The following CRYL1 variants were observed in gnomAD, a reference collection of about 807,000 sequenced individuals.
The protein encoded by CRYL1 is crystallin lambda 1, also known as lambda-crystallin homolog.
Under a neutral mutation model 36.6 loss-of-function variants are expected in CRYL1, and 29 were observed. The observed-to-expected ratio is 0.79, with a 90% CI of 0.59 to 1.08. CRYL1 has a LOEUF of 1.08. CRYL1 is among the 50% of genes least tolerant of loss of function. The pLI is 0.00. For missense variants in CRYL1, 411 were observed against 407.9 expected, an observed-to-expected ratio of 1.01 and a Z score of -0.06; for synonymous variants, 152 against 151.5, an observed-to-expected ratio of 1.00 and a Z score of -0.02.
rs1383005221 is a variant in CRYL1 at position 20,525,804 on chromosome 13, GGGGACGCGGCGCCGCGGGCGCT to G, written c.-32_-11del. 1.6e-6 allele frequency: 2 copies of G among 1,241,430 alleles called. No homozygotes were observed. Among genetic ancestry groups the G allele is most frequent in the South Asian group, 3.3e-5 (1 of 30,608 alleles). 76.9% of individuals were successfully genotyped at this position (1,241,430 alleles called of 1,614,324 possible). A position where few individuals can be genotyped will look rare whatever the true frequency, so the allele number is the denominator to read the frequency against. On this transcript the variant is annotated 5_prime_UTR_variant, in exon 1 of 8. Coordinates refer to ENST00000298248, the MANE Select transcript of CRYL1 (RefSeq NM_015974.3). This position sits in a 1 kb window ranked among gnomAD's most constrained non-coding sequence, Gnocchi z 4.3. Reference sequence around the variant, plus strand: ...CCGCGGAGGACGCCATGGTTGGGCCGGGGACGCGGCGCCGCGGGCGCTGGGACCAGGCGCCGGCGGAGCTGCG... The same window carrying G: ...CCGCGGAGGACGCCATGGTTGGGCCGGGGACCAGGCGCCGGCGGAGCTGCG...
intron 3 of CRYL1, among the ~76,000 whole-genome samples, chr13:20,451,925 T>C (rs1156681973): frequency 2.6e-5 from 4 of 152,020 alleles, no homozygotes; most frequent in Non-Finnish European, 5.9e-5. Flanking sequence ...GTGGTACATA[T>C]AGCCCATGGA....
intron 3 of CRYL1, 186 bp from the exon 4 acceptor site, chr13:20,439,940 TTCTGCTCTCTCC>T: frequency 1.8e-6 from 1 of 570,450 alleles, no homozygotes. Flanking sequence ...CCCTCTGCCC[TTCTGCTCTCTCC>T]TCCCCTAAAG....
At chr13:20,504,374 G>T (rs2033757038) in intron 2 of CRYL1, among the ~76,000 whole-genome samples, 1 of 147,644 alleles carries the variant, frequency 6.8e-6, no homozygotes, top group Non-Finnish European at 1.5e-5. Context: ...TGCAATCTTG[G>T]CTCACTGCAA....
intron 2 of CRYL1, among the ~76,000 whole-genome samples, chr13:20,503,600 GC>G (rs1337994158): frequency 2.6e-5 from 4 of 152,192 alleles, no homozygotes; most frequent in Admixed American, 2.0e-4. Flanking sequence ...TAACCGACTG[GC>G]CGATGCAAGC....
In CRYL1 at chr13:20,470,048, G is replaced by A. The variant is rs918655101; in HGVS notation, c.276+19322C>T. On this transcript the variant is annotated intron_variant, in intron 3 of 7. Coordinates refer to ENST00000298248, the MANE Select transcript of CRYL1 (RefSeq NM_015974.3). ...TCGACAGTGCGATCACCTGGAGTTGGGGTATAAAGCTACACCCGTCCTCCC... is the reference window on the plus strand; with the variant it reads ...TCGACAGTGCGATCACCTGGAGTTGAGGTATAAAGCTACACCCGTCCTCCC... Among the ~76,000 whole-genome samples, 4 of 152,328 alleles carry A rather than the reference G, an allele frequency of 2.6e-5. No individual in the cohort carries two copies. The South Asian group carries it at 8.3e-4, about 32-fold the overall frequency.
chr13:20,430,126 A>C, intron 5 of CRYL1: 9 of 896,840 alleles, frequency 1.0e-5, no homozygotes, highest in Non-Finnish European at 1.1e-5. Context: ...CACCCCTGCC[A>C]GGAGAGGACC....
chr13:20,422,424 T>C (rs1457048269), intron 5 of CRYL1, among the ~76,000 whole-genome samples: 1 of 150,454 alleles, frequency 6.6e-6, no homozygotes, highest in African/African-American at 2.4e-5. Context: ...AGTTTGCAGA[T>C]AGAATTCCAG....
At chr13:20,471,296 G>A (rs1024410902) in intron 3 of CRYL1, among the ~76,000 whole-genome samples, 1 of 152,108 alleles carries the variant, frequency 6.6e-6, no homozygotes, top group Non-Finnish European at 1.5e-5. Flanking sequence ...AGACAGGCCA[G>A]GCGCGGTGGC....
chr13:20,512,980 G>A (rs1228486471), intron 1 of CRYL1, among the ~76,000 whole-genome samples: 1 of 152,170 alleles, frequency 6.6e-6, no homozygotes. Context: ...AAATGTTAAA[G>A]GTGATGGGTG....
chr13:20,418,112 G>A (rs73160838), intron 5 of CRYL1, among the ~76,000 whole-genome samples: 1,893 of 152,226 alleles, frequency 0.012, 103 homozygotes, highest in Admixed American at 0.092. Flanking sequence ...TGCTTGCAAG[G>A]CCTTTCAATG....
chr13:20,482,027 C>A (rs1266086589), intron 3 of CRYL1, among the ~76,000 whole-genome samples: 3 of 152,118 alleles, frequency 2.0e-5, no homozygotes, highest in Admixed American at 6.5e-5. Context: ...CTGAACCCCC[C>A]ACCCCCACAC....
Position 20,439,653 on chromosome 13 carries a change from G to A in CRYL1, c.378C>T (p.Leu126=). Residue 126 remains leucine, a synonymous_variant, in exon 4 of 8, where the codon CTC becomes CTT. Coordinates refer to ENST00000298248, the MANE Select transcript of CRYL1 (RefSeq NM_015974.3). ...AGCCAGCAAACAACTTGGAAGGCAT[G>A]AGACAAGAAGTGGAACTGCTTAAGA... ...RVILSSSTSC[L]MPSKLFAGLV... is the part of the protein sequence containing the mutation. The A allele has an allele frequency of 6.2e-7, 1 of 1,613,998 alleles. No individual in the cohort carries two copies. Among genetic ancestry groups the A allele is most frequent in the South Asian group, 1.1e-5 (1 of 91,074 alleles).
At chr13:20,453,191 T>C (rs4770033) in intron 3 of CRYL1, among the ~76,000 whole-genome samples, 59,817 of 151,964 alleles carry the variant, frequency 0.39, 12,137 homozygotes, top group South Asian at 0.54. Flanking sequence ...TTTACCAAGA[T>C]AGATTATAGT....
chr13:20,434,482 G>A (rs867602344), intron 4 of CRYL1, among the ~76,000 whole-genome samples: 3 of 151,900 alleles, frequency 2.0e-5, no homozygotes, highest in Non-Finnish European at 4.4e-5. Flanking sequence ...GTAGCTAATC[G>A]GGGGAAGGAT....
chr13:20,454,419 G>GTTT (rs59272530), intron 3 of CRYL1, among the ~76,000 whole-genome samples: 1 of 134,004 alleles, frequency 7.5e-6, no homozygotes, highest in Non-Finnish European at 1.6e-5. Context: ...ATTCGTGTTT[G>GTTT]TTTTTTTTTT....
At chr13:20,456,967 G>T (rs1317700300) in intron 3 of CRYL1, among the ~76,000 whole-genome samples, 1 of 152,168 alleles carries the variant, frequency 6.6e-6, no homozygotes, top group Non-Finnish European at 1.5e-5. Context: ...GGATGAAGGG[G>T]CTTCCCTTCC....
At chr13:20,450,567 G>T (rs1450716805) in intron 3 of CRYL1, among the ~76,000 whole-genome samples, 1 of 152,204 alleles carries the variant, frequency 6.6e-6, no homozygotes, top group African/African-American at 2.4e-5. Context: ...AACAACAGGT[G>T]CTGGAGAGGA....
intron 2 of CRYL1, among the ~76,000 whole-genome samples, chr13:20,505,854 C>T (rs2033788565): frequency 6.6e-6 from 1 of 152,176 alleles, no homozygotes; most frequent in Non-Finnish European, 1.5e-5. Context: ...TGGTCAGGGA[C>T]ATTTTAACCT....
intron 4 of CRYL1, 57 bp from the exon 5 acceptor site, chr13:20,432,353 T>A: frequency 7.4e-7 from 1 of 1,350,034 alleles, no homozygotes; most frequent in Non-Finnish European, 1.0e-6. Context: ...TTTGGGGAAC[T>A]GCACCCACCC....
Sources: allele counts gnomAD v4.1 joint callset (sites outside exome capture counted in the v4.1 genomes callset), GRCh38; gene constraint gnomAD v4.1.1; non-coding constraint Gnocchi (gnomAD v3.1); transcripts MANE v1.5; gene names NCBI Gene and HGNC (gene_info 2026-07-23, HGNC 2026-07-21).